GRM7: variants seen among roughly 807,000 people sequenced by gnomAD.
GRM7 encodes glutamate metabotropic receptor 7.
Under a neutral mutation model 84.5 loss-of-function variants are expected in GRM7, and 35 were observed. The ratio of observed to expected loss-of-function variants is 0.41; its 90% CI spans 0.32 to 0.55. The LOEUF (loss-of-function observed/expected upper bound fraction) is 0.55, where lower values mean the gene tolerates loss of function less well. GRM7 is among the 20% of genes least tolerant of loss of function. The probability of loss-of-function intolerance (pLI) is 0.19; values close to 1 mark genes in which losing one functional copy is unlikely to be tolerated. For synonymous variants in GRM7, 487 were observed against 455.1 expected (o/e 1.07, Z -0.89); for missense variants, 1,003 against 1,194.6 (o/e 0.84, Z 2.36).
intron 2 of GRM7, among the ~76,000 whole-genome samples, chr3:7,146,967 C>T (rs1009926392): frequency 9.2e-5 from 14 of 152,040 alleles, no homozygotes; most frequent in African/African-American, 3.1e-4. Flanking sequence ...TGTATGAAAA[C>T]GTGGGAAAAT....
At chr3:7,598,152 G>C (rs1404197180) in intron 8 of GRM7, among the ~76,000 whole-genome samples, 1 of 152,184 alleles carries the variant, frequency 6.6e-6, no homozygotes, top group Non-Finnish European at 1.5e-5. Flanking sequence ...ACATATTGCA[G>C]ATAAGGAATA....
intron 7 of GRM7, among the ~76,000 whole-genome samples, chr3:7,539,466 G>A (rs540194915): frequency 2.1e-4 from 30 of 140,976 alleles, no homozygotes; most frequent in Non-Finnish European, 3.9e-4. Flanking sequence ...CATGAGGTCC[G>A]GAGTTCAAGA....
At chr3:7,380,405 C>A (rs985193976) in intron 4 of GRM7, among the ~76,000 whole-genome samples, 1 of 152,180 alleles carries the variant, frequency 6.6e-6, no homozygotes, top group Non-Finnish European at 1.5e-5. Context: ...TTTTGTGACA[C>A]CAATCTATTG....
Position 7,429,780 on chromosome 3 carries a change from C to G in GRM7, c.1174+14617C>G, listed in dbSNP as rs181232092. Among the ~76,000 whole-genome samples, 581 of 152,176 alleles carry G rather than the reference C, an allele frequency of 3.8e-3. 2 individuals carry two copies. The highest frequency in any genetic ancestry group is 0.013 in the African/African-American group (545 of 41,510). Reference sequence around the variant, plus strand: ...ACAATTATACATAGAAGTGGCATCTCCCTGGCATTAAAGAGTTAACACAAT... The same window carrying G: ...ACAATTATACATAGAAGTGGCATCTGCCTGGCATTAAAGAGTTAACACAAT... On this transcript the variant is annotated intron_variant, in intron 5 of 9. Coordinates refer to ENST00000357716, the MANE Select transcript of GRM7 (RefSeq NM_000844.4).
At chr3:7,471,550 T>C (rs1698702061) in intron 7 of GRM7, among the ~76,000 whole-genome samples, 1 of 152,180 alleles carries the variant, frequency 6.6e-6, no homozygotes, top group Admixed American at 6.5e-5. Flanking sequence ...ATCCAGTCTC[T>C]TCTGCCTTTT....
intron 8 of GRM7, among the ~76,000 whole-genome samples, chr3:7,652,370 G>A (rs1698983954): frequency 6.6e-6 from 1 of 152,132 alleles, no homozygotes. Context: ...GGAAAGAGAG[G>A]GCCACTTTGG....
At chr3:6,998,696 G>A (rs898849332) in intron 1 of GRM7, among the ~76,000 whole-genome samples, 1 of 152,212 alleles carries the variant, frequency 6.6e-6, no homozygotes, top group Non-Finnish European at 1.5e-5. Context: ...GTTGACTTCT[G>A]TGTACCTGCA....
At chr3:7,009,674 A>C (rs78540926) in intron 1 of GRM7, among the ~76,000 whole-genome samples, 1 of 152,296 alleles carries the variant, frequency 6.6e-6, no homozygotes, top group East Asian at 1.9e-4. Flanking sequence ...GTCAATATGC[A>C]GTTTTATTTG....
chr3:7,603,678 TGTTTG>T (rs1298943804), intron 8 of GRM7, among the ~76,000 whole-genome samples: 1 of 152,116 alleles, frequency 6.6e-6, no homozygotes, highest in Non-Finnish European at 1.5e-5. Flanking sequence ...ATTTTTGTTT[TGTTTG>T]TTTTCCTCCT....
chr3:7,248,016 C>T (rs187600557), intron 2 of GRM7, among the ~76,000 whole-genome samples: 26 of 152,104 alleles, frequency 1.7e-4, no homozygotes, highest in Admixed American at 1.2e-3. Flanking sequence ...TTACACTTTA[C>T]GGGTGAGAGT....
chr3:6,890,685 G>A (rs1248744771), intron 1 of GRM7, among the ~76,000 whole-genome samples: 4 of 152,024 alleles, frequency 2.6e-5, no homozygotes, highest in African/African-American at 9.7e-5. Flanking sequence ...GTGTGGTGTG[G>A]TGCTGAAAAA....
chr3:7,101,059 A>T lies in GRM7; in HGVS notation c.520-45393A>T, dbSNP rs1047082792. Among the ~76,000 whole-genome samples the T allele has an allele frequency of 2.0e-5, 3 of 151,770 alleles. No homozygotes were observed. The East Asian group carries it at 5.8e-4, about 29-fold the overall frequency. ...TTTATTGTGAATAAAGCCATTGTGAATATCCCTGTACAAGTCTTTTTGTAG... is the reference window on the plus strand; with the variant it reads ...TTTATTGTGAATAAAGCCATTGTGATTATCCCTGTACAAGTCTTTTTGTAG... On this transcript the variant is annotated intron_variant, in intron 1 of 9. Coordinates refer to ENST00000357716, the MANE Select transcript of GRM7 (RefSeq NM_000844.4).
At position 7,151,396 on chromosome 3, in the gene GRM7, G is replaced by C. The variant is rs750029346; in HGVS notation, c.736+4728G>C. 4.6e-5 allele frequency among the ~76,000 whole-genome samples: 7 copies of C among 152,060 alleles called. No individual in the cohort carries two copies. Among genetic ancestry groups the C allele is most frequent in the Non-Finnish European group, 7.4e-5 (5 of 68,012 alleles). ...CACTTTAGCCTGGGAGACAGAGCAA[G>C]ACTCTGTCTCAAAACAAACAACAAA... is the stretch of plus-strand genomic sequence containing the variant. On this transcript the variant is annotated intron_variant, in intron 2 of 9. Coordinates refer to ENST00000357716, the MANE Select transcript of GRM7 (RefSeq NM_000844.4). The surrounding 1 kb of genome is among the most constrained non-coding windows in gnomAD (Gnocchi z 4.5).
At chr3:7,441,088 G>C (rs1449894873) in intron 5 of GRM7, among the ~76,000 whole-genome samples, 1 of 152,146 alleles carries the variant, frequency 6.6e-6, no homozygotes, top group Non-Finnish European at 1.5e-5. Flanking sequence ...TTCCACAGTG[G>C]CTGAACTAGT....
chr3:7,077,112 T>G (rs1698113811), intron 1 of GRM7, among the ~76,000 whole-genome samples: 1 of 152,190 alleles, frequency 6.6e-6, no homozygotes, highest in Non-Finnish European at 1.5e-5. Flanking sequence ...GGAAAGCTTT[T>G]ACACTGTGGG....
intron 4 of GRM7, among the ~76,000 whole-genome samples, chr3:7,307,895 G>C (rs935991608): frequency 2.0e-5 from 3 of 152,156 alleles, no homozygotes; most frequent in Admixed American, 6.6e-5. Context: ...CTGAGTGCAG[G>C]TGTCAGAACA....
At chr3:7,185,011 G>T (rs1695467161) in intron 2 of GRM7, among the ~76,000 whole-genome samples, 1 of 152,118 alleles carries the variant, frequency 6.6e-6, no homozygotes, top group Admixed American at 6.5e-5. Context: ...TATCTTAAAA[G>T]TGATATAAGT....
chr3:7,055,446 T>A (rs1294383537), intron 1 of GRM7, among the ~76,000 whole-genome samples: 2 of 151,318 alleles, frequency 1.3e-5, no homozygotes, highest in Middle Eastern at 3.2e-3. Context: ...ATCAAGAATT[T>A]AAACATTTTA....
chr3:7,207,018 A>G (rs1284063877), intron 2 of GRM7, among the ~76,000 whole-genome samples: 13 of 152,210 alleles, frequency 8.5e-5, no homozygotes, highest in African/African-American at 3.1e-4. Flanking sequence ...TTGGATGGAA[A>G]TAAGTAACAA....
Sources: gnomAD v4.1 joint callset for allele counts (sites outside exome capture counted in the v4.1 genomes callset) on GRCh38, gnomAD v4.1.1 for gene constraint, Gnocchi (gnomAD v3.1) non-coding constraint, MANE v1.5 for transcripts, NCBI Gene and HGNC (gene_info 2026-07-23, HGNC 2026-07-21) for gene names.